Variants in LRMDA observed in about 807,000 individuals in gnomAD.
LRMDA encodes leucine rich melanocyte differentiation associated.
In LRMDA, 18 loss-of-function variants were observed where a neutral mutation model predicts 29.8. The ratio of observed to expected loss-of-function variants is 0.60; its 90% CI spans 0.42 to 0.90. The LOEUF is 0.90. Ranked by LOEUF, LRMDA falls within the 40% of genes least tolerant of loss-of-function variation. LRMDA has a pLI of 0.00. For synonymous variants in LRMDA, 125 were observed against 109.4 expected (o/e 1.14, Z -0.89); for missense variants, 273 against 273.9 (o/e 1.00, Z 0.02).
intron 6 of LRMDA, among the ~76,000 whole-genome samples, chr10:76,373,512 A>G (rs1345632999): frequency 2.6e-5 from 4 of 152,154 alleles, no homozygotes; most frequent in African/African-American, 9.7e-5. Context: ...TCAATGAACT[A>G]TAAAGGGAAA....
intron 2 of LRMDA, among the ~76,000 whole-genome samples, chr10:75,683,875 C>T (rs149999693): frequency 1.3e-3 from 197 of 152,342 alleles, no homozygotes; most frequent in African/African-American, 4.5e-3. Flanking sequence ...CATCCCTCAC[C>T]TCACAGAGCT....
intron 2 of LRMDA, among the ~76,000 whole-genome samples, chr10:75,678,861 G>T (rs1446821692): frequency 1.3e-5 from 2 of 152,166 alleles, no homozygotes; most frequent in Non-Finnish European, 2.9e-5. Flanking sequence ...TTCCAGTCTT[G>T]TTAAGGACCA....
chr10:76,299,594 C>T (rs201494699), intron 5 of LRMDA, among the ~76,000 whole-genome samples: 2 of 121,132 alleles, frequency 1.7e-5, no homozygotes, highest in Non-Finnish European at 3.4e-5. Flanking sequence ...GAACCACCCC[C>T]CTTCCTTTCT....
At chr10:75,839,275 G>C (rs544494248) in intron 2 of LRMDA, among the ~76,000 whole-genome samples, 1 of 152,330 alleles carries the variant, frequency 6.6e-6, no homozygotes, top group East Asian at 1.9e-4. Flanking sequence ...GCTGAGAAGA[G>C]AGTGGAGCAA....
chr10:76,083,688 G>A (rs1011045907), intron 5 of LRMDA, among the ~76,000 whole-genome samples: 3 of 152,128 alleles, frequency 2.0e-5, no homozygotes, highest in African/African-American at 7.2e-5. Context: ...CAAAAAATTA[G>A]CCAGATGTGG....
At chr10:76,062,773 T>C (rs1167355884) in intron 5 of LRMDA, among the ~76,000 whole-genome samples, 1 of 151,838 alleles carries the variant, frequency 6.6e-6, no homozygotes, top group Admixed American at 6.6e-5. Context: ...TATAACTTTA[T>C]CAAATATTGG....
At chr10:76,512,672 T>G (rs1843020595) in intron 6 of LRMDA, among the ~76,000 whole-genome samples, 1 of 152,154 alleles carries the variant, frequency 6.6e-6, no homozygotes, top group South Asian at 2.1e-4. Context: ...CTAAACTTCT[T>G]AGCAATGATA....
intron 2 of LRMDA, among the ~76,000 whole-genome samples, chr10:75,798,854 A>C (rs947057160): frequency 6.6e-6 from 1 of 152,136 alleles, no homozygotes; most frequent in African/African-American, 2.4e-5. Context: ...TTGAAGCATC[A>C]CTATGTGCTC....
At chr10:76,456,476 A>T (rs1447168780) in intron 6 of LRMDA, among the ~76,000 whole-genome samples, 1 of 152,178 alleles carries the variant, frequency 6.6e-6, no homozygotes, top group African/African-American at 2.4e-5. Flanking sequence ...ATGTCCATTG[A>T]AAAGCTGTAT....
At chr10:75,542,832 C>A (rs1840034146) in intron 2 of LRMDA, among the ~76,000 whole-genome samples, 1 of 152,158 alleles carries the variant, frequency 6.6e-6, no homozygotes, top group Non-Finnish European at 1.5e-5. Context: ...TTCGCTTGAT[C>A]CAACGTGGCC....
chr10:76,428,375 C>T (rs1440785767), intron 6 of LRMDA, among the ~76,000 whole-genome samples: 2 of 152,084 alleles, frequency 1.3e-5, no homozygotes, highest in Non-Finnish European at 2.9e-5. Context: ...GATGCTGGCT[C>T]AGGCCCATCT....
chr10:75,535,831 T>G (rs1004963810), intron 2 of LRMDA, among the ~76,000 whole-genome samples: 3 of 152,128 alleles, frequency 2.0e-5, no homozygotes, highest in African/African-American at 7.2e-5. Context: ...AAGTGTTGCT[T>G]CTGCTTCTGG....
intron 5 of LRMDA, among the ~76,000 whole-genome samples, chr10:76,082,214 G>T (rs1319798060): frequency 6.6e-6 from 1 of 152,064 alleles, no homozygotes; most frequent in Non-Finnish European, 1.5e-5. Flanking sequence ...CTGTGTATAC[G>T]CAGGGGGCCC....
chr10:76,538,544 G>GTATA (rs200606317), intron 6 of LRMDA, among the ~76,000 whole-genome samples: 1 of 139,952 alleles, frequency 7.1e-6, no homozygotes, highest in Non-Finnish European at 1.5e-5. Flanking sequence ...TTATATATAT[G>GTATA]TATATATATA....
chr10:75,792,095 G>A (rs1843576793), intron 2 of LRMDA, among the ~76,000 whole-genome samples: 1 of 151,600 alleles, frequency 6.6e-6, no homozygotes, highest in South Asian at 2.1e-4. Context: ...TCCTGACCTC[G>A]TGATCCCCCG....
At chr10:75,829,961 G>A (rs1362123467) in intron 2 of LRMDA, among the ~76,000 whole-genome samples, 1 of 149,346 alleles carries the variant, frequency 6.7e-6, no homozygotes, top group African/African-American at 2.5e-5. Context: ...TTCATCCCAA[G>A]TGTGCAGTGA....
intron 2 of LRMDA, among the ~76,000 whole-genome samples, chr10:75,716,198 C>T (rs1589168521): frequency 6.6e-6 from 1 of 152,148 alleles, no homozygotes; most frequent in Non-Finnish European, 1.5e-5. Context: ...ACCTCCATTC[C>T]TCCCATAGAT....
intron 2 of LRMDA, among the ~76,000 whole-genome samples, chr10:75,630,493 GGCCTAGTAGT>G (rs1841309400): frequency 6.6e-6 from 1 of 152,140 alleles, no homozygotes; most frequent in African/African-American, 2.4e-5. Flanking sequence ...AGAGCTCCAG[GGCCTAGTAGT>G]GCCAGGTTTC....
intron 2 of LRMDA, among the ~76,000 whole-genome samples, chr10:75,931,651 A>G (rs1442334912): frequency 6.6e-6 from 1 of 152,220 alleles, no homozygotes; most frequent in Non-Finnish European, 1.5e-5. Context: ...CTTCTGCTCA[A>G]GGAAGTCCAC....
Sources: allele counts gnomAD v4.1 joint callset (sites outside exome capture counted in the v4.1 genomes callset), GRCh38; gene constraint gnomAD v4.1.1; transcripts MANE v1.5; gene names NCBI Gene and HGNC (gene_info 2026-07-23, HGNC 2026-07-21).